The following CADM2 variants were observed in gnomAD, a reference collection of about 807,000 sequenced individuals.
CADM2 encodes the protein cell adhesion molecule 2, also known as immunoglobulin superfamily member 4D.
In CADM2, 12 loss-of-function variants were observed where a neutral mutation model predicts 49.8. The observed-to-expected ratio is 0.24, with a 90% CI of 0.15 to 0.39. The LOEUF (loss-of-function observed/expected upper bound fraction) is 0.39, where lower values mean the gene tolerates loss of function less well. CADM2 is among the 10% of genes least tolerant of loss of function. CADM2 has a pLI of 1.00. For synonymous variants in CADM2, 214 were observed against 175.4 expected (o/e 1.22, Z -1.74); for missense variants, 378 against 492.3 (o/e 0.77, Z 2.20).
chr3:85,585,472 A>C (rs2062915728), intron 1 of CADM2, among the ~76,000 whole-genome samples: 1 of 151,782 alleles, frequency 6.6e-6, no homozygotes, highest in Non-Finnish European at 1.5e-5. Context: ...CTATTCATGA[A>C]ATTGTGAAGA....
chr3:85,281,416 G>A (rs780020670), intron 1 of CADM2, among the ~76,000 whole-genome samples: 5 of 151,798 alleles, frequency 3.3e-5, no homozygotes, highest in African/African-American at 1.2e-4. Context: ...GAGGTTATAC[G>A]TTTAAAAGGC....
chr3:85,950,631 C>T (rs1191827372), intron 7 of CADM2, among the ~76,000 whole-genome samples: 4 of 151,062 alleles, frequency 2.6e-5, no homozygotes, highest in African/African-American at 9.7e-5. Context: ...TAGGTTATTT[C>T]CTGTTTCAAC....
chr3:86,013,255 A>C, intron 8 of CADM2: 2 of 1,482,898 alleles, frequency 1.3e-6, no homozygotes, highest in Non-Finnish European at 1.9e-6. Context: ...AATGCTCAGA[A>C]CCCCAGTGAA....
intron 5 of CADM2, among the ~76,000 whole-genome samples, chr3:85,886,952 G>T (rs939956364): frequency 2.6e-5 from 4 of 152,140 alleles, no homozygotes; most frequent in African/African-American, 9.7e-5. Context: ...TGGTATTTAA[G>T]TATAAGAATT....
intron 1 of CADM2, among the ~76,000 whole-genome samples, chr3:85,343,162 G>GTACA (rs1189648910): frequency 6.6e-6 from 1 of 152,124 alleles, no homozygotes; most frequent in Non-Finnish European, 1.5e-5. Context: ...ATTGCACGAT[G>GTACA]TACAGCACAG....
At chr3:85,016,432 A>G (rs2034251258) in intron 1 of CADM2, among the ~76,000 whole-genome samples, 1 of 152,244 alleles carries the variant, frequency 6.6e-6, no homozygotes, top group African/African-American at 2.4e-5. Context: ...CAACAGCTGT[A>G]GAATTTAGTA....
chr3:85,175,626 G>C (rs1028351521), intron 1 of CADM2, among the ~76,000 whole-genome samples: 6 of 152,110 alleles, frequency 3.9e-5, no homozygotes, highest in Non-Finnish European at 8.8e-5. Flanking sequence ...AGTGAGTTAA[G>C]AGTTTAAGTT....
At chr3:86,050,131 G>C (rs1737170648) in intron 8 of CADM2, among the ~76,000 whole-genome samples, 1 of 152,176 alleles carries the variant, frequency 6.6e-6, no homozygotes, top group African/African-American at 2.4e-5. Flanking sequence ...AGGGGTACAG[G>C]TGTTGTGTAA....
At chr3:85,608,324 C>T (rs1461555533) in intron 1 of CADM2, among the ~76,000 whole-genome samples, 1 of 152,060 alleles carries the variant, frequency 6.6e-6, no homozygotes, top group Non-Finnish European at 1.5e-5. Flanking sequence ...TTAATTAAGT[C>T]GCTATGGGTA....
chr3:85,234,285 A>C (rs2042363617), intron 1 of CADM2, among the ~76,000 whole-genome samples: 1 of 152,166 alleles, frequency 6.6e-6, no homozygotes, highest in African/African-American at 2.4e-5. Context: ...ATATTGAGGT[A>C]AAATGTATAT....
intron 1 of CADM2, among the ~76,000 whole-genome samples, chr3:85,508,421 G>T (rs62250754): frequency 0.52 from 78,262 of 151,954 alleles, 23,126 homozygotes; most frequent in East Asian, 0.85. Flanking sequence ...TAAGCAAGTT[G>T]GTTGCTAACC....
chr3:86,014,937 C>T lies in CADM2; in HGVS notation c.971-50668C>T, dbSNP rs558873953. ...TGAGAATGAGTGGTATGAAAATGGACGAAAGCGTCTTAAAGCATATTTAAG... is the reference window on the plus strand; with the variant it reads ...TGAGAATGAGTGGTATGAAAATGGATGAAAGCGTCTTAAAGCATATTTAAG... On this transcript the variant is annotated intron_variant, in intron 8 of 9. Coordinates refer to ENST00000383699, the MANE Select transcript of CADM2 (RefSeq NM_001167675.2). The T allele has an allele frequency of 2.3e-4, 347 of 1,481,362 alleles. 5 individuals are homozygous for T. The highest frequency in any genetic ancestry group is 1.1e-3 in the South Asian group (100 of 87,858). 91.8% of individuals were successfully genotyped at this position (1,481,362 alleles called of 1,614,324 possible). A position where few individuals can be genotyped will look rare whatever the true frequency, so the allele number is the denominator to read the frequency against.
chr3:84,972,203 T>G (rs779513263), intron 1 of CADM2, among the ~76,000 whole-genome samples: 1 of 152,244 alleles, frequency 6.6e-6, no homozygotes, highest in Non-Finnish European at 1.5e-5. Flanking sequence ...TGGAACCACA[T>G]TCATTCTTTG....
chr3:85,847,684 C>T (rs2074938698), intron 3 of CADM2, among the ~76,000 whole-genome samples: 1 of 151,980 alleles, frequency 6.6e-6, no homozygotes, highest in Non-Finnish European at 1.5e-5. Flanking sequence ...GAAGAATTGG[C>T]CAAACAAGGA....
At chr3:85,942,677 T>G (rs889160351) in intron 7 of CADM2, among the ~76,000 whole-genome samples, 1 of 151,982 alleles carries the variant, frequency 6.6e-6, no homozygotes, top group Admixed American at 6.6e-5. Context: ...TCATTTTTTA[T>G]GGCTGCATAG....
intron 1 of CADM2, among the ~76,000 whole-genome samples, chr3:85,703,639 CAATT>C (rs2107715729): frequency 6.6e-6 from 1 of 151,988 alleles, no homozygotes; most frequent in African/African-American, 2.4e-5. Flanking sequence ...TTTTATTGCC[CAATT>C]AATTAAACAT....
chr3:85,506,392 T>C (rs1412784604), intron 1 of CADM2, among the ~76,000 whole-genome samples: 1 of 152,214 alleles, frequency 6.6e-6, no homozygotes, highest in African/African-American at 2.4e-5. Flanking sequence ...CTATTTAGAA[T>C]GTATGAATTG....
chr3:85,407,413 G>A (rs1046094430), intron 1 of CADM2, among the ~76,000 whole-genome samples: 6 of 152,052 alleles, frequency 3.9e-5, no homozygotes, highest in East Asian at 1.9e-4. Flanking sequence ...TAGATACCTC[G>A]TTTCTTTTCT....
chr3:85,213,983 T>G (rs2041865001), intron 1 of CADM2, among the ~76,000 whole-genome samples: 1 of 152,194 alleles, frequency 6.6e-6, no homozygotes, highest in African/African-American at 2.4e-5. Flanking sequence ...TGTGTTATCT[T>G]GTATTTCTTT....
Sources: allele counts gnomAD v4.1 joint callset (sites outside exome capture counted in the v4.1 genomes callset), GRCh38; gene constraint gnomAD v4.1.1; transcripts MANE v1.5; gene names NCBI Gene and HGNC (gene_info 2026-07-23, HGNC 2026-07-21).